Variants in TPO observed in about 807,000 individuals in gnomAD.
TPO encodes the protein thyroid microsomal antigen.
In TPO, 78 loss-of-function variants were observed where a neutral mutation model predicts 96.9. That is an observed-to-expected ratio of 0.81 (90% CI 0.67 to 0.97). The LOEUF (loss-of-function observed/expected upper bound fraction) is 0.97, where lower values mean the gene tolerates loss of function less well. Among genes scored for constraint, TPO ranks in the 50% least tolerant of loss-of-function variants. The pLI is 0.00. For missense variants in TPO, 1,252 were observed against 1,274.8 expected, an observed-to-expected ratio of 0.98 and a Z score of 0.27; for synonymous variants, 547 against 538.0, an observed-to-expected ratio of 1.02 and a Z score of -0.23.
chr2:1,484,917 T>G (rs547367758), intron 9 of TPO, 63 bp downstream of exon 9: 1 of 1,593,786 alleles, frequency 6.3e-7, no homozygotes, highest in Admixed American at 1.7e-5. Flanking sequence ...TTAATTTTTT[T>G]AAATTATATT....
chr2:1,431,476 G>T (rs1573152763), intron 3 of TPO, among the ~76,000 whole-genome samples: 1 of 152,256 alleles, frequency 6.6e-6, no homozygotes, highest in Non-Finnish European at 1.5e-5. Flanking sequence ...GCAAAAAATA[G>T]GTTAACAAGT....
intron 1 of TPO, among the ~76,000 whole-genome samples, chr2:1,380,613 T>C (rs915867181): frequency 6.6e-6 from 1 of 152,082 alleles, no homozygotes; most frequent in Non-Finnish European, 1.5e-5. Context: ...TTTTCAGCAA[T>C]TTACCTAAAA....
chr2:1,505,259 C>G (rs866717361), intron 14 of TPO, among the ~76,000 whole-genome samples: 16 of 150,588 alleles, frequency 1.1e-4, no homozygotes, highest in Non-Finnish European at 2.1e-4. Context: ...CTGTGTCAGG[C>G]GCACCCCCTC....
chr2:1,385,661 C>A (rs1309113835), intron 1 of TPO, among the ~76,000 whole-genome samples: 2 of 151,518 alleles, frequency 1.3e-5, no homozygotes, highest in Non-Finnish European at 2.9e-5. Context: ...AAAAAAAAAA[C>A]CAGCTCCTGG....
At chr2:1,416,143 C>T (rs746426964) in intron 2 of TPO, among the ~76,000 whole-genome samples, 10 of 152,098 alleles carry the variant, frequency 6.6e-5, no homozygotes, top group Admixed American at 3.3e-4. Flanking sequence ...TCATTTAAAG[C>T]GGTGAATGCA....
chr2:1,374,725 CTTTTT>C (rs11292664), intron 1 of TPO, among the ~76,000 whole-genome samples: 2 of 136,794 alleles, frequency 1.5e-5, no homozygotes, highest in Non-Finnish European at 1.6e-5. Context: ...TTCTTTCTTT[CTTTTT>C]TTTTTTTTTT....
At position 1,422,010 on chromosome 2, in the gene TPO, C is replaced by A. The variant is rs550687025; in HGVS notation, c.95-1035C>A. Among the ~76,000 whole-genome samples, 40 of 152,316 alleles carry A rather than the reference C, an allele frequency of 2.6e-4. 1 individual carries two copies. In the South Asian group the frequency reaches 8.3e-3, roughly 32 times the overall value. ...TCCTCCCTCCCTCCTGCCCTTGCCC[C>A]AGGGAGCCCCACACCGGGGGGCTCT... On this transcript the variant is annotated intron_variant, in intron 2 of 16. Coordinates refer to ENST00000329066, the MANE Select transcript of TPO (RefSeq NM_001206744.2).
At chr2:1,422,296 C>CGCAGGCGCCTCTCCTGGACCGACCTCGT (rs1663639420) in intron 2 of TPO, among the ~76,000 whole-genome samples, 12 of 60,352 alleles carry the variant, frequency 2.0e-4, no homozygotes, top group East Asian at 8.6e-4. Context: ...TTGAAGACCC[C>CGCAGGCGCCTCTCCTGGACCGACCTCGT]GCAGGCGCCT....
intron 7 of TPO, among the ~76,000 whole-genome samples, chr2:1,467,387 A>T (rs1669001437): frequency 6.6e-6 from 1 of 152,158 alleles, no homozygotes. Flanking sequence ...TACAGGCATG[A>T]GCCACTGTGC....
intron 15 of TPO, among the ~76,000 whole-genome samples, chr2:1,529,823 C>A (rs1399686310): frequency 7.1e-6 from 1 of 141,060 alleles, no homozygotes; most frequent in Non-Finnish European, 1.5e-5. Flanking sequence ...TGTGTGCAGC[C>A]TCCCCAAATC....
rs1678696418 is a variant in TPO, at chr2:1,533,072, C to G, written c.2619-7522C>G. ...CTGTGTGCAACCTCCTCAAATCCCCCTACTGCGAGCAACCTCCTCAAATCT... is the reference window on the plus strand; with the variant it reads ...CTGTGTGCAACCTCCTCAAATCCCCGTACTGCGAGCAACCTCCTCAAATCT... On this transcript the variant is annotated intron_variant, in intron 15 of 16. Transcript: ENST00000329066. Among the ~76,000 whole-genome samples the G allele has an allele frequency of 2.1e-5, 3 of 142,998 alleles. No homozygotes were observed. In the Admixed American group the frequency reaches 2.1e-4, roughly 10 times the overall value. The allele number at this position is 142,998 out of a possible 152,430, so 93.8% of individuals were successfully genotyped here. A position where few individuals can be genotyped will look rare whatever the true frequency, so the allele number is the denominator to read the frequency against.
chr2:1,492,162 T>C (rs1239038259), intron 10 of TPO, among the ~76,000 whole-genome samples: 2 of 116,066 alleles, frequency 1.7e-5, no homozygotes, highest in African/African-American at 7.8e-5. Flanking sequence ...TTTTTGTTTT[T>C]TGTTTTTTTG....
At chr2:1,530,907 A>G (rs1287927218) in intron 15 of TPO, among the ~76,000 whole-genome samples, 1 of 78,490 alleles carries the variant, frequency 1.3e-5, no homozygotes, top group Admixed American at 1.7e-4. Context: ...AACCTCCCCA[A>G]ATCCCCCCCA....
chr2:1,387,173 T>C (rs1661913169), intron 1 of TPO, among the ~76,000 whole-genome samples: 1 of 152,188 alleles, frequency 6.6e-6, no homozygotes, highest in Admixed American at 6.5e-5. Context: ...CTTTGGTGAA[T>C]CTGACAATTA....
chr2:1,399,416 T>C (rs1388718325), intron 1 of TPO, among the ~76,000 whole-genome samples: 2 of 152,256 alleles, frequency 1.3e-5, no homozygotes. Context: ...ACAAGTCCTA[T>C]GTATGCTGTG....
At chr2:1,375,881 G>A (rs1268895650) in intron 1 of TPO, among the ~76,000 whole-genome samples, 1 of 152,114 alleles carries the variant, frequency 6.6e-6, no homozygotes, top group Non-Finnish European at 1.5e-5. Flanking sequence ...CACCAGAGGT[G>A]GGAAGACAGG....
intron 7 of TPO, among the ~76,000 whole-genome samples, chr2:1,466,502 T>A (rs1164319284): frequency 6.6e-6 from 1 of 152,242 alleles, no homozygotes; most frequent in Non-Finnish European, 1.5e-5. Context: ...AGAATTCTTC[T>A]GTGAATCTGT....
chr2:1,485,061 C>G (rs1671013940), intron 9 of TPO, among the ~76,000 whole-genome samples: 2 of 151,650 alleles, frequency 1.3e-5, no homozygotes. Flanking sequence ...TCCCCCTGAC[C>G]CCCACCCCAC....
intron 14 of TPO, among the ~76,000 whole-genome samples, chr2:1,507,143 T>A (rs1169621101): frequency 6.6e-6 from 1 of 152,246 alleles, no homozygotes; most frequent in African/African-American, 2.4e-5. Context: ...AAATAGGGAA[T>A]CATTTCCCCA....
Sources: gnomAD v4.1 joint callset for allele counts (sites outside exome capture counted in the v4.1 genomes callset) on GRCh38, gnomAD v4.1.1 for gene constraint, MANE v1.5 for transcripts, NCBI Gene and HGNC (gene_info 2026-07-23, HGNC 2026-07-21) for gene names.